Variants in MUC6 observed in about 807,000 individuals in gnomAD.
The protein encoded by MUC6 is mucin 6, oligomeric mucus/gel-forming (gene/pseudogene), also known as mucin-6.
MUC6 carries 188 observed loss-of-function variants against 201.5 expected under a neutral mutation model. The ratio of observed to expected loss-of-function variants is 0.93; its 90% confidence interval spans 0.83 to 1.05. The LOEUF is 1.05. Among genes scored for constraint, MUC6 ranks in the 50% least tolerant of loss-of-function variants. The pLI is 0.00. For synonymous variants in MUC6, 1,228 were observed against 1,389.4 expected (o/e 0.88, Z 2.58); for missense variants, 2,706 against 3,256.9 (o/e 0.83, Z 4.12).
At chr11:1,036,403 A>G (rs534567667) in intron 1 of MUC6, among the ~76,000 whole-genome samples, 280 of 152,240 alleles carry the variant, frequency 1.8e-3, no homozygotes, top group African/African-American at 6.5e-3. Context: ...CCTGACCCCA[A>G]TTGGCAGAGC....
At chr11:1,019,598 G>C (rs1444391380) in intron 29 of MUC6, 102 bp from the exon 30 acceptor site, 7 of 1,075,454 alleles carry the variant, frequency 6.5e-6, no homozygotes, top group Admixed American at 1.8e-5. Context: ...CTGGCCTGCT[G>C]TCCGGGACTC....
chr11:1,025,971 G>T (rs1386864166), intron 21 of MUC6, 29 bp downstream of exon 21: 4 of 1,589,034 alleles, frequency 2.5e-6, no homozygotes, highest in Non-Finnish European at 2.6e-6. Context: ...TGGGTCCCCG[G>T]CCCCTGCGGC....
At chr11:1,027,871 T>C in intron 15 of MUC6, 54 bp from the exon 16 acceptor site, 3 of 1,590,796 alleles carry the variant, frequency 1.9e-6, no homozygotes, top group Admixed American at 3.5e-5. Context: ...CCTGGGGACA[T>C]GGGGGTCCCA....
intron 13 of MUC6, 31 bp from the exon 14 acceptor site, chr11:1,028,418 A>G: frequency 6.2e-7 from 1 of 1,605,840 alleles, no homozygotes; most frequent in East Asian, 2.2e-5. Flanking sequence ...CTCGACTTGA[A>G]CCCATCCCTC....
chr11:1,020,974 G>T (rs1008417841), intron 27 of MUC6, among the ~76,000 whole-genome samples: 2 of 152,212 alleles, frequency 1.3e-5, no homozygotes, highest in Non-Finnish European at 2.9e-5. Context: ...GCTGGTGGAA[G>T]AGGGGATGGG....
rs751019821 is a variant in MUC6, at chr11:1,027,237, C to T, written c.2231+31G>A. The T allele has an allele frequency of 7.5e-6, 12 of 1,609,374 alleles. No individual in the cohort carries two copies. The African/African-American group carries it at 1.4e-4, about 18-fold the overall frequency. ...GTGAGACCCCGGGACCTGGCAGGGA[C>T]CCCCCGCCTGGCCCCTGCCCGGTCC... On this transcript the variant is annotated intron_variant, in intron 17 of 32. Transcript: ENST00000421673.
intron 26 of MUC6, among the ~76,000 whole-genome samples, chr11:1,022,907 CGTGAATGTGCATGA>C (rs1268789483): frequency 6.6e-6 from 1 of 150,946 alleles, no homozygotes; most frequent in South Asian, 2.1e-4. Context: ...AATGAATGTG[CGTGAATGTGCATGA>C]GTGAATGTGC....
intron 26 of MUC6, among the ~76,000 whole-genome samples, chr11:1,023,013 T>C (rs1382953839): frequency 6.6e-6 from 1 of 150,902 alleles, no homozygotes; most frequent in East Asian, 2.0e-4. Context: ...TGAATGAGCA[T>C]GAATGAATGT....
intron 32 of MUC6, 41 bp downstream of exon 32, chr11:1,013,858 C>T: frequency 6.4e-7 from 1 of 1,563,274 alleles, no homozygotes; most frequent in Non-Finnish European, 8.7e-7. Context: ...GTTGTGAGCA[C>T]CTTGGTGGAC....
chr11:1,027,613 C>A, intron 16 of MUC6, 72 bp downstream of exon 16: 3 of 1,583,292 alleles, frequency 1.9e-6, no homozygotes, highest in Non-Finnish European at 2.6e-6. Context: ...AGCCTCAGAG[C>A]TTGGGGTCCC....
chr11:1,032,643 G>A (rs1857134687), intron 2 of MUC6, among the ~76,000 whole-genome samples: 2 of 151,062 alleles, frequency 1.3e-5, no homozygotes, highest in Admixed American at 6.6e-5. Context: ...ATGTTTGCAT[G>A]TCTGGGATGT....
chr11:1,024,144 A>G, intron 24 of MUC6, 41 bp from the exon 25 acceptor site: 1 of 1,584,758 alleles, frequency 6.3e-7, no homozygotes. Context: ...CTGCCGGGGG[A>G]TGGCGGGGCA....
chr11:1,020,567 G>A (rs920407758), intron 28 of MUC6, 117 bp downstream of exon 28: 69 of 1,427,176 alleles, frequency 4.8e-5, no homozygotes, highest in Non-Finnish European at 6.8e-5. Context: ...GACCTGAGAA[G>A]GGCACAGGTA....
chr11:1,032,717 GTGTT>G (rs1321045819), intron 2 of MUC6, among the ~76,000 whole-genome samples: 4 of 151,646 alleles, frequency 2.6e-5, no homozygotes, highest in Non-Finnish European at 4.4e-5. Context: ...TAGGTTGTGT[GTGTT>G]GGGTGTGTGT....
Position 1,013,568 on chromosome 11 carries a change from T to C in MUC6, c.7208A>G (p.Glu2403Gly). 1 of 1,573,146 alleles carries C rather than the reference T, an allele frequency of 6.4e-7. No homozygotes were observed. Residue 2403 changes from glutamate to glycine, a missense_variant, in exon 33 of 33, where the codon GAG becomes GGG. Coordinates refer to ENST00000421673, the MANE Select transcript of MUC6 (RefSeq NM_005961.3). ...GGGGCAGGGCAGCTCCAGCTGCTGC[T>C]CATAGGAGTGGAGGGGGCGGCAGCA... is the stretch of plus-strand genomic sequence containing the variant. ...CSCCRPLHSY[E>G]QQLELPCPDP...
In MUC6 at chr11:1,027,407, C is replaced by T. The variant is rs140535327; in HGVS notation, c.2092G>A (p.Val698Met). The T allele has an allele frequency of 1.3e-4, 203 of 1,612,820 alleles. No homozygotes were observed. The highest frequency in any genetic ancestry group is 1.5e-4 in the Non-Finnish European group (180 of 1,179,816). ...CCATCGGGGCAGTTGCAACCGTCCA[C>T]GGGCACGGCGCTGTGGTGGCACTCG... ...ATECHHSAVP[V>M]DGCNCPDGTY... The change falls in exon 17 of 33, where the codon GTG becomes ATG. Residue 698 changes from valine to methionine, a missense_variant. Physicochemically the swap from Val to Met is conservative, Grantham distance 21. Around this residue, in one of 10 missense-constraint regions of MUC6, gnomAD observed 1,850 missense variants for 1,958.3 expected, o/e 0.94. Transcript: ENST00000421673.
In MUC6 at chr11:1,025,793, C is replaced by A; in HGVS notation, c.2799+12G>T. On this transcript the variant is annotated intron_variant, in intron 22 of 32. Coordinates refer to ENST00000421673, the MANE Select transcript of MUC6 (RefSeq NM_005961.3). ...CCCGTCCTGCCCTGCCAGAGTCTGC[C>A]CGGCTGCTCACCCCCAGGAAGATCT... 1 of 1,606,878 alleles carries A rather than the reference C, an allele frequency of 6.2e-7. No individual in the cohort carries two copies. Among genetic ancestry groups the A allele is most frequent in the Non-Finnish European group, 8.5e-7 (1 of 1,177,176 alleles).
At chr11:1,035,120 G>A (rs1408273121) in intron 1 of MUC6, among the ~76,000 whole-genome samples, 1 of 151,958 alleles carries the variant, frequency 6.6e-6, no homozygotes. Context: ...GGCCCACCGC[G>A]GCCCAGGCCT....
At chr11:1,023,167 G>A (rs1408265775) in intron 26 of MUC6, among the ~76,000 whole-genome samples, 3 of 151,924 alleles carry the variant, frequency 2.0e-5, no homozygotes, top group African/African-American at 7.3e-5. Context: ...GTGAATGAAT[G>A]TGCATGAATC....
Sources: gnomAD v4.1 joint callset for allele counts (sites outside exome capture counted in the v4.1 genomes callset) on GRCh38, gnomAD v4.1.1 for gene constraint, gnomAD v4.1.1 regional missense constraint, MANE v1.5 for transcripts, NCBI Gene and HGNC (gene_info 2026-07-23, HGNC 2026-07-21) for gene names.